Variants in ARHGAP10 observed in about 807,000 individuals in gnomAD.
The protein encoded by ARHGAP10 is rho GTPase-activating protein 10.
ARHGAP10 carries 87 observed loss-of-function variants against 108.6 expected under a neutral mutation model. The observed-to-expected ratio is 0.80, with a 90% CI of 0.67 to 0.96. The LOEUF is 0.96. ARHGAP10 is among the 40% of genes least tolerant of loss of function. ARHGAP10 has a pLI of 0.00. For synonymous variants in ARHGAP10, 347 were observed against 341.1 expected (o/e 1.02, Z -0.19); for missense variants, 939 against 954.5 (o/e 0.98, Z 0.21).
intron 7 of ARHGAP10, among the ~76,000 whole-genome samples, chr4:147,870,971 TG>T: frequency 6.8e-6 from 1 of 146,992 alleles, no homozygotes. Context: ...TGTGTGTGTG[TG>T]TGTTTGAGAT....
intron 5 of ARHGAP10, chr4:147,862,674 T>C (rs1313352260): frequency 6.6e-6 from 1 of 152,196 alleles, no homozygotes; most frequent in Non-Finnish European, 1.5e-5. Flanking sequence ...GGGGTGGTGA[T>C]AGAGGTTGAC....
At chr4:147,773,183 C>T (rs147549980) in intron 1 of ARHGAP10, among the ~76,000 whole-genome samples, 2 of 152,204 alleles carry the variant, frequency 1.3e-5, no homozygotes, top group Non-Finnish European at 2.9e-5. Flanking sequence ...TAGCAGATTT[C>T]CCTTCTAAAC....
chr4:147,913,422 C>T (rs534201787), intron 13 of ARHGAP10, among the ~76,000 whole-genome samples: 2 of 152,216 alleles, frequency 1.3e-5, no homozygotes, highest in East Asian at 1.9e-4. Context: ...GATTGGGTGG[C>T]TTAAAGAATA....
chr4:147,904,278 A>G (rs543479069), intron 10 of ARHGAP10, among the ~76,000 whole-genome samples: 1 of 152,082 alleles, frequency 6.6e-6, no homozygotes, highest in Non-Finnish European at 1.5e-5. Context: ...CATGTGCACA[A>G]TGTGCAGGTT....
intron 1 of ARHGAP10, among the ~76,000 whole-genome samples, chr4:147,758,263 CAAAA>C (rs754776146): frequency 1.1e-5 from 1 of 89,100 alleles, no homozygotes; most frequent in African/African-American, 4.0e-5. Flanking sequence ...AACTTCATCT[CAAAA>C]AAAAAAAAAA....
intron 13 of ARHGAP10, among the ~76,000 whole-genome samples, chr4:147,928,769 G>A (rs545158603): frequency 5.5e-4 from 83 of 152,254 alleles, no homozygotes; most frequent in African/African-American, 1.8e-3. Context: ...GCCTTGGTTA[G>A]GACATTTATA....
At chr4:147,916,917 G>A (rs1358533691) in intron 13 of ARHGAP10, 1 of 152,176 alleles carries the variant, frequency 6.6e-6, no homozygotes, top group Non-Finnish European at 1.5e-5. Context: ...TTCTTTGCTT[G>A]CCCCTACATC....
At chr4:147,869,998 T>TTTTTTG (rs1553958574) in intron 7 of ARHGAP10, among the ~76,000 whole-genome samples, 1 of 93,068 alleles carries the variant, frequency 1.1e-5, no homozygotes, top group African/African-American at 4.4e-5. Context: ...AAGTCCCAGT[T>TTTTTTG]TGTGTGTGTG....
At chr4:147,873,714 A>ACACACACACACACACACACACT (rs1309717045) in intron 7 of ARHGAP10, among the ~76,000 whole-genome samples, 1 of 150,856 alleles carries the variant, frequency 6.6e-6, no homozygotes, top group African/African-American at 2.4e-5. Context: ...ACACACACAC[A>ACACACACACACACACACACACT]CACACACACT....
chr4:148,016,863 A>G (rs1214103947), intron 18 of ARHGAP10, among the ~76,000 whole-genome samples: 3 of 152,064 alleles, frequency 2.0e-5, no homozygotes, highest in African/African-American at 4.8e-5. Flanking sequence ...ACAGAGCTCA[A>G]ACACATTTAC....
chr4:147,975,094 A>C (rs758192733), intron 18 of ARHGAP10, among the ~76,000 whole-genome samples: 19 of 152,358 alleles, frequency 1.2e-4, no homozygotes, highest in Non-Finnish European at 2.5e-4. Context: ...CTTTGTGCCA[A>C]GGGACAATTA....
chr4:147,931,552 G>A (rs1008075980), intron 13 of ARHGAP10, among the ~76,000 whole-genome samples: 2 of 152,018 alleles, frequency 1.3e-5, no homozygotes, highest in African/African-American at 4.8e-5. Flanking sequence ...TACCTATTCT[G>A]TGCCCACCTA....
intron 13 of ARHGAP10, among the ~76,000 whole-genome samples, chr4:147,929,507 C>T (rs928782039): frequency 3.3e-5 from 5 of 152,112 alleles, no homozygotes; most frequent in African/African-American, 1.2e-4. Context: ...AGCAGATAGC[C>T]TAGAAAGTGC....
In ARHGAP10 at chr4:147,905,008, T is replaced by C. The variant is rs1436126555; in HGVS notation, c.1035-1630T>C. On this transcript the variant is annotated intron_variant, in intron 10 of 22. Transcript: ENST00000336498. ...TGATGGTGAGCATTTTTTCATGTGT[T>C]TTTTGGCTGCATAAATGTCTTCTTT... Among the ~76,000 whole-genome samples, 635 of 152,270 alleles carry C rather than the reference T, an allele frequency of 4.2e-3. 3 individuals carry two copies. The highest frequency in any genetic ancestry group is 0.014 in the South Asian group (67 of 4,826).
chr4:148,028,062 A>G (rs1727959354), intron 19 of ARHGAP10, among the ~76,000 whole-genome samples: 1 of 152,282 alleles, frequency 6.6e-6, no homozygotes, highest in Admixed American at 6.5e-5. Context: ...TTGTCACTGC[A>G]GTGAAATAAG....
Position 147,753,954 on chromosome 4 carries a change from C to G in ARHGAP10, c.154+21499C>G, listed in dbSNP as rs144798789. ...ACATTATTTCATAGTTTGGGGCTTC[C>G]ATTCATCTGCTACTACTCGTTCTAA... On this transcript the variant is annotated intron_variant, in intron 1 of 22. Transcript: ENST00000336498. Among the ~76,000 whole-genome samples the G allele has an allele frequency of 6.1e-3, 929 of 152,226 alleles. 8 individuals are homozygous for G. The highest frequency in any genetic ancestry group is 0.021 in the African/African-American group (861 of 41,542).
intron 1 of ARHGAP10, among the ~76,000 whole-genome samples, chr4:147,818,437 A>G (rs1029389861): frequency 6.6e-6 from 1 of 152,002 alleles, no homozygotes; most frequent in African/African-American, 2.4e-5. Flanking sequence ...GTGATGGCAT[A>G]TGCCTGTAAT....
chr4:148,009,137 CTT>C (rs918485475), intron 18 of ARHGAP10, among the ~76,000 whole-genome samples: 3 of 144,630 alleles, frequency 2.1e-5, no homozygotes, highest in Non-Finnish European at 3.1e-5. Flanking sequence ...TCTTTTTTCT[CTT>C]TTTTTTTTTT....
intron 18 of ARHGAP10, among the ~76,000 whole-genome samples, chr4:148,017,674 ATATATATATG>A (rs1319881471): frequency 5.0e-5 from 7 of 139,266 alleles, no homozygotes; most frequent in Admixed American, 4.9e-4. Context: ...ATATATATAT[ATATATATATG>A]TGTGTGTATG....
Sources: allele counts gnomAD v4.1 joint callset (sites outside exome capture counted in the v4.1 genomes callset), GRCh38; gene constraint gnomAD v4.1.1; transcripts MANE v1.5; gene names NCBI Gene and HGNC (gene_info 2026-07-23, HGNC 2026-07-21).